Variants in CTNNA2 observed in about 807,000 individuals in gnomAD.
The protein encoded by CTNNA2 is catenin alpha 2.
Under a neutral mutation model 101.0 loss-of-function variants are expected in CTNNA2, and 42 were observed. The ratio of observed to expected loss-of-function variants is 0.42; its 90% CI spans 0.32 to 0.54. The LOEUF is 0.54. Among genes scored for constraint, CTNNA2 ranks in the 20% least tolerant of loss-of-function variants. The pLI, the probability that CTNNA2 is intolerant of heterozygous loss-of-function variation, is 0.14. For missense variants in CTNNA2, 871 were observed against 1,223.1 expected, an observed-to-expected ratio of 0.71 and a Z score of 4.29; for synonymous variants, 450 against 456.4, an observed-to-expected ratio of 0.99 and a Z score of 0.18.
intron 7 of CTNNA2, among the ~76,000 whole-genome samples, chr2:80,256,666 G>A (rs1166976775): frequency 6.6e-6 from 1 of 152,090 alleles, no homozygotes; most frequent in Non-Finnish European, 1.5e-5. Context: ...CTTCAGTAAA[G>A]CAGAATCCCA....
At chr2:80,228,679 G>C (rs868823378) in intron 7 of CTNNA2, among the ~76,000 whole-genome samples, 5 of 152,148 alleles carry the variant, frequency 3.3e-5, no homozygotes, top group Middle Eastern at 3.2e-3. Flanking sequence ...GGGATTCTGA[G>C]GTCACTGTCT....
intron 7 of CTNNA2, among the ~76,000 whole-genome samples, chr2:79,959,940 T>G (rs2104526469): frequency 6.6e-6 from 1 of 152,304 alleles, no homozygotes; most frequent in South Asian, 2.1e-4. Flanking sequence ...TTAATTTAAT[T>G]TAATGGAGAA....
chr2:79,946,769 G>A (rs1029374266), intron 7 of CTNNA2, among the ~76,000 whole-genome samples: 3 of 152,112 alleles, frequency 2.0e-5, no homozygotes, highest in African/African-American at 7.2e-5. Flanking sequence ...GTGCCCATTG[G>A]GAGCATATAG....
intron 3 of CTNNA2, among the ~76,000 whole-genome samples, chr2:79,842,634 G>A (rs1488072476): frequency 6.6e-6 from 1 of 151,956 alleles, no homozygotes; most frequent in African/African-American, 2.4e-5. Context: ...TCTCAGGACT[G>A]AAGCTGACTA....
chr2:80,508,145 C>T (rs144356563), intron 9 of CTNNA2, among the ~76,000 whole-genome samples: 2,037 of 152,094 alleles, frequency 0.013, 22 homozygotes, highest in South Asian at 0.022. Context: ...AAATGTGAGA[C>T]GGGTACTTTC....
At chr2:80,596,541 T>C (rs1696999941) in intron 15 of CTNNA2, among the ~76,000 whole-genome samples, 1 of 151,822 alleles carries the variant, frequency 6.6e-6, no homozygotes, top group African/African-American at 2.4e-5. Context: ...CTTGATCTCC[T>C]GACCTCGTGA....
At chr2:80,439,732 T>A (rs1367416402) in intron 9 of CTNNA2, among the ~76,000 whole-genome samples, 1 of 152,156 alleles carries the variant, frequency 6.6e-6, no homozygotes, top group Non-Finnish European at 1.5e-5. Flanking sequence ...TACGTTTGTA[T>A]TGTATGGTTT....
rs144240033 is a variant in CTNNA2 at position 79,274,720 on chromosome 2, T to A, written c.-405-37989T>A. ...ATGTGGATCCTTTTAAAACATCACT[T>A]TTAATGACTCCATGGTTTTCTATTA... On this transcript the variant is annotated intron_variant, in intron 2 of 21. Transcript: ENST00000466387. 3.4e-3 allele frequency among the ~76,000 whole-genome samples: 514 copies of A among 152,166 alleles called. 3 individuals are homozygous for A. The highest frequency in any genetic ancestry group is 0.011 in the African/African-American group (471 of 41,552).
intron 2 of CTNNA2, among the ~76,000 whole-genome samples, chr2:79,256,792 G>A (rs1166111829): frequency 6.6e-6 from 1 of 152,130 alleles, no homozygotes; most frequent in Non-Finnish European, 1.5e-5. Flanking sequence ...CTAAGCCCCA[G>A]TTTTCTCATT....
intron 7 of CTNNA2, among the ~76,000 whole-genome samples, chr2:79,947,683 A>G (rs546412768): frequency 1.4e-4 from 21 of 152,120 alleles, no homozygotes; most frequent in Non-Finnish European, 2.8e-4. Flanking sequence ...TTTTCCATAT[A>G]CTGGGTGCAG....
intron 1 of CTNNA2, among the ~76,000 whole-genome samples, chr2:79,614,788 GA>G (rs1678510615): frequency 6.6e-6 from 1 of 152,182 alleles, no homozygotes; most frequent in Non-Finnish European, 1.5e-5. Context: ...TAGCATGGTT[GA>G]TTGAAATGTA....
At chr2:80,359,746 T>C (rs1674209607) in intron 7 of CTNNA2, among the ~76,000 whole-genome samples, 1 of 152,154 alleles carries the variant, frequency 6.6e-6, no homozygotes, top group African/African-American at 2.4e-5. Context: ...GGTATTTCTT[T>C]AGAGCAGTGT....
chr2:79,722,015 A>G (rs1383495938), intron 2 of CTNNA2, among the ~76,000 whole-genome samples: 1 of 152,222 alleles, frequency 6.6e-6, no homozygotes, highest in Non-Finnish European at 1.5e-5. Context: ...TCAATATTTT[A>G]CTTTTCAAAT....
At chr2:80,201,558 G>T (rs1707214327) in intron 7 of CTNNA2, among the ~76,000 whole-genome samples, 1 of 151,644 alleles carries the variant, frequency 6.6e-6, no homozygotes, top group South Asian at 2.1e-4. Context: ...TATTTTTTTA[G>T]TAGAGATGGG....
intron 3 of CTNNA2, among the ~76,000 whole-genome samples, chr2:79,789,023 T>C (rs1338927790): frequency 6.6e-6 from 1 of 152,208 alleles, no homozygotes; most frequent in Non-Finnish European, 1.5e-5. Flanking sequence ...ATAGCTAATG[T>C]TTACTAAGTT....
intron 7 of CTNNA2, among the ~76,000 whole-genome samples, chr2:80,008,012 C>T (rs1282815475): frequency 1.3e-5 from 2 of 152,182 alleles, no homozygotes; most frequent in Non-Finnish European, 2.9e-5. Context: ...CTTGAAAATG[C>T]TTTATGAACT....
At chr2:80,523,996 T>C (rs1173694637) in intron 9 of CTNNA2, among the ~76,000 whole-genome samples, 2 of 152,132 alleles carry the variant, frequency 1.3e-5, no homozygotes, top group Non-Finnish European at 2.9e-5. Flanking sequence ...AAGCATAGCA[T>C]AAGACTTTTT....
chr2:80,248,790 A>G (rs1045121442), intron 7 of CTNNA2, among the ~76,000 whole-genome samples: 1 of 152,230 alleles, frequency 6.6e-6, no homozygotes, highest in Non-Finnish European at 1.5e-5. Flanking sequence ...ATGTAGAGAG[A>G]GAAATGGCTA....
rs566176799 is a variant in CTNNA2 at position 79,778,745 on chromosome 2, CCT to C, written c.298+34170_298+34171del. On this transcript the variant is annotated intron_variant, in intron 3 of 18. Transcript: ENST00000402739. Reference sequence around the variant, plus strand: ...CTTGCCTTTCTTTCTTTCTCTCTCTCCTCTCTCTTCTCACTGTGACATGTATC... The same window carrying C: ...CTTGCCTTTCTTTCTTTCTCTCTCTCCTCTCTTCTCACTGTGACATGTATC... 4.3e-4 allele frequency among the ~76,000 whole-genome samples: 66 copies of C among 152,106 alleles called. No homozygotes were observed. In the South Asian group the frequency reaches 0.013, roughly 30 times the overall value.
Sources: gnomAD v4.1 joint callset for allele counts (sites outside exome capture counted in the v4.1 genomes callset) on GRCh38, gnomAD v4.1.1 for gene constraint, MANE v1.5 for transcripts, NCBI Gene and HGNC (gene_info 2026-07-23, HGNC 2026-07-21) for gene names.